Variants in SRFBP1 observed in about 807,000 individuals in gnomAD.
SRFBP1 encodes the protein serum response factor binding protein 1, also known as serum response factor-binding protein 1.
In SRFBP1, 47 loss-of-function variants were observed where a neutral mutation model predicts 45.5. The ratio of observed to expected loss-of-function variants is 1.03; its 90% confidence interval spans 0.82 to 1.32. The LOEUF is 1.32. Among genes scored for constraint, SRFBP1 ranks in the 40% most tolerant of loss-of-function variants. The pLI, the probability that SRFBP1 is intolerant of heterozygous loss-of-function variation, is 0.00. For synonymous variants in SRFBP1, 203 were observed against 166.3 expected, an observed-to-expected ratio of 1.22 and a Z score of -1.70; for missense variants, 621 against 484.6, an observed-to-expected ratio of 1.28 and a Z score of -2.64.
intron 2 of SRFBP1, among the ~76,000 whole-genome samples, chr5:122,062,078 T>G (rs1195210125): frequency 6.6e-6 from 1 of 151,954 alleles, no homozygotes; most frequent in Non-Finnish European, 1.5e-5. Context: ...AAGTGGTTTC[T>G]TTACTGCAGG....
chr5:122,009,448 T>C (rs1001653842), intron 4 of SRFBP1, among the ~76,000 whole-genome samples: 8 of 152,220 alleles, frequency 5.3e-5, no homozygotes, highest in African/African-American at 1.9e-4. Flanking sequence ...CTGCCTACTT[T>C]TATTTGGTAT....
At position 122,018,930 on chromosome 5, in the gene SRFBP1, C is replaced by T. The variant is rs541519303; in HGVS notation, c.271-330C>T. Among the ~76,000 whole-genome samples, 31 of 152,198 alleles carry T rather than the reference C, an allele frequency of 2.0e-4. No individual in the cohort carries two copies. In the South Asian group the frequency reaches 6.4e-3, roughly 32 times the overall value. On this transcript the variant is annotated intron_variant, in intron 4 of 7. Coordinates refer to ENST00000339397, the MANE Select transcript of SRFBP1 (RefSeq NM_152546.3). ...ATTTAGTCTTCTTAATTAGATTGTT[C>T]AAGCTCTTTGATAGTAAAAACTATG...
intron 4 of SRFBP1, among the ~76,000 whole-genome samples, chr5:122,001,751 C>T (rs947355798): frequency 6.6e-6 from 1 of 151,606 alleles, no homozygotes; most frequent in African/African-American, 2.4e-5. Context: ...TTAGTATAGA[C>T]GGGGTTTCAC....
intron 1 of SRFBP1, among the ~76,000 whole-genome samples, chr5:121,971,693 C>G (rs537385340): frequency 7.7e-4 from 117 of 152,064 alleles, no homozygotes; most frequent in Non-Finnish European, 1.3e-3. Flanking sequence ...GAAACACTGG[C>G]TTGGGACTGC....
At chr5:121,965,035 G>C (rs1203680379) in intron 1 of SRFBP1, among the ~76,000 whole-genome samples, 1 of 151,844 alleles carries the variant, frequency 6.6e-6, no homozygotes, top group Admixed American at 6.6e-5. Context: ...CTTTTTGATG[G>C]GGTTGTTTTT....
intron 4 of SRFBP1, among the ~76,000 whole-genome samples, chr5:122,011,135 A>G (rs146478981): frequency 6.5e-4 from 99 of 152,254 alleles, no homozygotes; most frequent in African/African-American, 2.2e-3. Context: ...CTAGCATTCT[A>G]CCTCCACCAG....
At chr5:122,042,245 A>G (rs563980459) in intron 2 of SRFBP1, among the ~76,000 whole-genome samples, 2 of 152,160 alleles carry the variant, frequency 1.3e-5, no homozygotes, top group Non-Finnish European at 1.5e-5. Context: ...GAACTAAACA[A>G]TGTAACCTCT....
intron 2 of SRFBP1, among the ~76,000 whole-genome samples, chr5:122,038,811 T>G (rs1302365631): frequency 2.6e-5 from 4 of 152,184 alleles, no homozygotes; most frequent in Admixed American, 6.5e-5. Context: ...CCAAAGTAAT[T>G]GCAAGACTGG....
chr5:122,047,748 G>C (rs1753890776), intron 2 of SRFBP1, among the ~76,000 whole-genome samples: 2 of 152,198 alleles, frequency 1.3e-5, no homozygotes, highest in South Asian at 2.1e-4. Context: ...AGTTCTCCTT[G>C]AAGAGATCCT....
chr5:122,022,326 G>A (rs779187051), intron 6 of SRFBP1, 44 bp from the exon 7 acceptor site: 3 of 1,528,212 alleles, frequency 2.0e-6, no homozygotes, highest in East Asian at 2.3e-5. Context: ...TAAGATCAGA[G>A]GATTTATCTT....
At chr5:122,054,360 A>G (rs547165324) in intron 2 of SRFBP1, among the ~76,000 whole-genome samples, 182 of 152,308 alleles carry the variant, frequency 1.2e-3, no homozygotes, top group Non-Finnish European at 1.7e-3. Context: ...AGCTAAGCCC[A>G]GACAGGCTGG....
intron 2 of SRFBP1, chr5:122,074,186 C>A (rs1228936323): frequency 6.2e-7 from 1 of 1,604,462 alleles, no homozygotes; most frequent in South Asian, 1.1e-5. Context: ...TCCCACAAAA[C>A]AAAAAGATGG....
intron 4 of SRFBP1, among the ~76,000 whole-genome samples, chr5:121,995,784 A>T (rs1181577155): frequency 1.3e-5 from 2 of 151,734 alleles, no homozygotes; most frequent in Non-Finnish European, 3.0e-5. Flanking sequence ...ATAAAGAAAA[A>T]AAGAGAGAAG....
At chr5:122,017,691 C>G (rs1753218264) in intron 4 of SRFBP1, among the ~76,000 whole-genome samples, 1 of 152,210 alleles carries the variant, frequency 6.6e-6, no homozygotes, top group Admixed American at 6.5e-5. Context: ...AGTGACATTA[C>G]TCACATAAAT....
chr5:121,967,916 C>G (rs1752109106), intron 1 of SRFBP1, among the ~76,000 whole-genome samples: 1 of 152,174 alleles, frequency 6.6e-6, no homozygotes, highest in Non-Finnish European at 1.5e-5. Context: ...AACAGATCTT[C>G]TTATAATCTA....
intron 2 of SRFBP1, among the ~76,000 whole-genome samples, chr5:122,052,727 A>G (rs1754011889): frequency 6.6e-6 from 1 of 152,134 alleles, no homozygotes; most frequent in Admixed American, 6.5e-5. Flanking sequence ...ATTACTATCC[A>G]TATTCTTAAT....
At chr5:121,974,050 G>A in intron 1 of SRFBP1, 146 bp from the exon 2 acceptor site, 1 of 553,416 alleles carries the variant, frequency 1.8e-6, no homozygotes, top group Non-Finnish European at 3.2e-6. Context: ...TATGGAAGAG[G>A]TTTGATTTCA....
chr5:122,067,335 A>G (rs1447194358), intron 2 of SRFBP1, among the ~76,000 whole-genome samples: 1 of 152,150 alleles, frequency 6.6e-6, no homozygotes, highest in Admixed American at 6.6e-5. Context: ...GTATCTTATA[A>G]CTGAAAGAAG....
Position 121,962,041 on chromosome 5 carries a change from G to T in SRFBP1, c.9G>T (p.Gln3His), listed in dbSNP as rs1004405190. The T allele has an allele frequency of 6.2e-7, 1 of 1,614,070 alleles. No individual in the cohort carries two copies. Among genetic ancestry groups the T allele is most frequent in the Non-Finnish European group, 8.5e-7 (1 of 1,180,028 alleles). ...ATATTCCTTCATCTACCATGGCTCA[G>T]CCGGGAACTCTGAACCTCAATAACG... Reference protein sequence around the residue: MAQPGTLNLNNEV... With the variant: MAHPGTLNLNNEV... The change falls in exon 1 of 8, where the codon CAG becomes CAT. Residue 3 changes from glutamine (Q) to histidine (H), a missense_variant. Transcript: ENST00000339397.
Sources: allele counts gnomAD v4.1 joint callset (sites outside exome capture counted in the v4.1 genomes callset), GRCh38; gene constraint gnomAD v4.1.1; transcripts MANE v1.5; gene names NCBI Gene and HGNC (gene_info 2026-07-23, HGNC 2026-07-21).